FAM171A1: variants seen among roughly 807,000 people sequenced by gnomAD.
FAM171A1 encodes family with sequence similarity 171 member A1.
A neutral mutation model predicts 74.9 loss-of-function variants in FAM171A1; 23 were observed. The observed-to-expected ratio is 0.31, with a 90% CI of 0.22 to 0.44. The LOEUF (loss-of-function observed/expected upper bound fraction) is 0.44, where lower values mean the gene tolerates loss of function less well. FAM171A1 is among the 20% of genes least tolerant of loss of function. The probability of loss-of-function intolerance (pLI) is 1.00; values close to 1 mark genes in which losing one functional copy is unlikely to be tolerated. For missense variants in FAM171A1, 1,162 were observed against 1,159.2 expected, an observed-to-expected ratio of 1.00 and a Z score of -0.03; for synonymous variants, 527 against 505.7, an observed-to-expected ratio of 1.04 and a Z score of -0.57.
At chr10:15,325,720 T>A (rs543177952) in intron 1 of FAM171A1, among the ~76,000 whole-genome samples, 2 of 152,246 alleles carry the variant, frequency 1.3e-5, no homozygotes, top group South Asian at 4.1e-4. Context: ...CTTATCTCCA[T>A]GTTACACGCT....
upstream of FAM171A1, among the ~76,000 whole-genome samples, chr10:15,373,080 C>G (rs948329038): frequency 1.2e-4 from 19 of 152,314 alleles, no homozygotes; most frequent in Non-Finnish European, 2.4e-4. Context: ...AAGGATGGCA[C>G]TTGCCCAGTT....
intron 1 of FAM171A1, among the ~76,000 whole-genome samples, chr10:15,304,131 TC>T (rs1835265596): frequency 6.6e-6 from 1 of 152,210 alleles, no homozygotes; most frequent in South Asian, 2.1e-4. Context: ...TGTGCTATAA[TC>T]CTCAACCCTT....
At chr10:15,324,874 A>G (rs1835532159) in intron 1 of FAM171A1, among the ~76,000 whole-genome samples, 1 of 152,242 alleles carries the variant, frequency 6.6e-6, no homozygotes, top group Non-Finnish European at 1.5e-5. Flanking sequence ...GTACTAAATA[A>G]GGACTTTTAC....
At chr10:15,306,307 A>G (rs1835294257) in intron 1 of FAM171A1, among the ~76,000 whole-genome samples, 1 of 152,206 alleles carries the variant, frequency 6.6e-6, no homozygotes, top group African/African-American at 2.4e-5. Flanking sequence ...AGAGGAAAAA[A>G]TGCTTACATC....
Position 15,213,587 on chromosome 10 carries a change from G to A in FAM171A1, c.2001C>T (p.Leu667=). The change falls in exon 8 of 8, where the codon CTC becomes CTT. Residue 667 remains leucine, a synonymous_variant. Coordinates refer to ENST00000378116, the MANE Select transcript of FAM171A1 (RefSeq NM_001010924.2). This position sits in a 1 kb window ranked among gnomAD's most constrained non-coding sequence, Gnocchi z 6.8. ...CGTCGTTCAGGGAAGCTGGGATGGA[G>A]AGAGACTCCGACATGGATGCGTTCT... ...SPQNASMSES[L]SIPASLNDAA... 6.2e-7 allele frequency: 1 copy of A among 1,614,218 alleles called. No homozygotes were observed. The highest frequency in any genetic ancestry group is 1.1e-5 in the South Asian group (1 of 91,088).
intron 1 of FAM171A1, among the ~76,000 whole-genome samples, chr10:15,351,676 C>T (rs1564288270): frequency 6.7e-6 from 1 of 149,898 alleles, no homozygotes; most frequent in Non-Finnish European, 1.5e-5. Context: ...TGCATGGATG[C>T]ATGGACGGAT....
chr10:15,336,249 T>C (rs1356903896), intron 1 of FAM171A1, among the ~76,000 whole-genome samples: 1 of 152,118 alleles, frequency 6.6e-6, no homozygotes, highest in African/African-American at 2.4e-5. Flanking sequence ...CACCCCCAGG[T>C]TGATGGGGCT....
At chr10:15,255,538 AC>A (rs1834568651) in intron 3 of FAM171A1, among the ~76,000 whole-genome samples, 1 of 152,170 alleles carries the variant, frequency 6.6e-6, no homozygotes, top group Non-Finnish European at 1.5e-5. Flanking sequence ...ATGCTTCTTC[AC>A]CAAACTCAAC....
intron 1 of FAM171A1, among the ~76,000 whole-genome samples, chr10:15,306,247 T>G (rs556382262): frequency 3.0e-4 from 46 of 152,358 alleles, no homozygotes; most frequent in Non-Finnish European, 5.0e-4. Flanking sequence ...ACAGGTAAAC[T>G]GTTTGGGGTT....
At chr10:15,344,231 T>G (rs1835795588) in intron 1 of FAM171A1, among the ~76,000 whole-genome samples, 1 of 152,186 alleles carries the variant, frequency 6.6e-6, no homozygotes, top group Admixed American at 6.5e-5. Context: ...AAGAGTAGGC[T>G]CTCTGTCTGA....
rs1833918955 is a variant in FAM171A1, at chr10:15,213,352, T to C, written c.2236A>G (p.Met746Val). Residue 746 changes from methionine (M) to valine (V), a missense_variant, in exon 8 of 8, where the codon ATG becomes GTG. Coordinates refer to ENST00000378116, the MANE Select transcript of FAM171A1 (RefSeq NM_001010924.2). The surrounding 1 kb of genome is among the most constrained non-coding windows in gnomAD (Gnocchi z 6.8). ...TTCCGGGCTGATTTTGGTTCATTCA[T>C]ATCTACGCCAGAGTCCAAACTGGCA... is the stretch of plus-strand genomic sequence containing the variant. ...NDASLDSGVD[M>V]NEPKSARKGR... The C allele has an allele frequency of 1.2e-6, 2 of 1,614,222 alleles. No homozygotes were observed. Among genetic ancestry groups the C allele is most frequent in the Non-Finnish European group, 8.5e-7 (1 of 1,180,040 alleles).
chr10:15,353,879 C>T (rs1835904993), intron 1 of FAM171A1, among the ~76,000 whole-genome samples: 1 of 152,220 alleles, frequency 6.6e-6, no homozygotes, highest in Non-Finnish European at 1.5e-5. Flanking sequence ...CTGACTCCAA[C>T]ACTCCATTCT....
chr10:15,335,020 T>A (rs1271234582), intron 1 of FAM171A1, among the ~76,000 whole-genome samples: 2 of 152,126 alleles, frequency 1.3e-5, no homozygotes, highest in South Asian at 2.1e-4. Flanking sequence ...AGTGGGCAGA[T>A]CACTTGGGTC....
At chr10:15,285,549 G>A (rs1413915110) in intron 1 of FAM171A1, among the ~76,000 whole-genome samples, 3 of 152,156 alleles carry the variant, frequency 2.0e-5, no homozygotes, top group African/African-American at 7.2e-5. Flanking sequence ...GAACTATCAC[G>A]TCAAGGGTGC....
At chr10:15,314,427 C>T (rs1448473568) in intron 1 of FAM171A1, among the ~76,000 whole-genome samples, 5 of 152,106 alleles carry the variant, frequency 3.3e-5, no homozygotes, top group Admixed American at 6.5e-5. Flanking sequence ...GCTGGCCATA[C>T]GGGGAAGACT....
intron 3 of FAM171A1, among the ~76,000 whole-genome samples, chr10:15,271,431 G>A (rs1834823624): frequency 1.3e-5 from 2 of 152,204 alleles, no homozygotes; most frequent in African/African-American, 2.4e-5. Flanking sequence ...AAGCGACGGG[G>A]AGAATGGAAC....
intron 7 of FAM171A1, among the ~76,000 whole-genome samples, chr10:15,215,294 T>C (rs1833953404): frequency 6.6e-6 from 1 of 152,222 alleles, no homozygotes; most frequent in Non-Finnish European, 1.5e-5. Context: ...GCCAAGTTAC[T>C]TATTTCAAAG....
At chr10:15,326,165 G>C (rs374728840) in intron 1 of FAM171A1, among the ~76,000 whole-genome samples, 5 of 152,092 alleles carry the variant, frequency 3.3e-5, no homozygotes, top group African/African-American at 1.2e-4. Context: ...GTCACCAGAG[G>C]ACTTATGTTC....
At position 15,216,077 on chromosome 10, in the gene FAM171A1, T is replaced by C; in HGVS notation, c.905A>G (p.His302Arg). The stretch of plus-strand genomic sequence containing the variant: ...TAAAATGGCCAAAAGAAACACCGTG[T>C]GATACGTGGTAATGTCCTGTGTTAC... ...PVVTQDITTY[H>R]TVFLLAILGG... The change falls in exon 7 of 8, where the codon CAC (histidine) becomes CGC (arginine). Residue 302 changes from histidine to arginine, a missense_variant. Transcript: ENST00000378116. 1 of 1,609,494 alleles carries C rather than the reference T, an allele frequency of 6.2e-7. No homozygotes were observed. Among genetic ancestry groups the C allele is most frequent in the Non-Finnish European group, 8.5e-7 (1 of 1,179,148 alleles).
Sources: allele counts gnomAD v4.1 joint callset (sites outside exome capture counted in the v4.1 genomes callset), GRCh38; gene constraint gnomAD v4.1.1; non-coding constraint Gnocchi (gnomAD v3.1); transcripts MANE v1.5; gene names NCBI Gene and HGNC (gene_info 2026-07-23, HGNC 2026-07-21).